The following ZNF536 variants were observed in gnomAD, a reference collection of about 807,000 sequenced individuals.
ZNF536 encodes the protein zinc finger protein 536.
Under a neutral mutation model 84.5 loss-of-function variants are expected in ZNF536, and 13 were observed. The ratio of observed to expected loss-of-function variants is 0.15; its 90% CI spans 0.10 to 0.24. The LOEUF (loss-of-function observed/expected upper bound fraction) is 0.24. Among genes scored for constraint, ZNF536 ranks in the 10% least tolerant of loss-of-function variants. The pLI is 1.00. For synonymous variants in ZNF536, 811 were observed against 742.5 expected, an observed-to-expected ratio of 1.09 and a Z score of -1.50; for missense variants, 1,536 against 1,747.5, an observed-to-expected ratio of 0.88 and a Z score of 2.16.
At chr19:30,302,104 A>G (rs1454690989) in intron 2 of ZNF536, among the ~76,000 whole-genome samples, 1 of 152,196 alleles carries the variant, frequency 6.6e-6, no homozygotes, top group East Asian at 1.9e-4. Flanking sequence ...TTTTCCCAGC[A>G]CTATTAAGAA....
intron 2 of ZNF536, among the ~76,000 whole-genome samples, chr19:30,506,800 A>T (rs910332050): frequency 1.3e-5 from 2 of 152,184 alleles, no homozygotes; most frequent in African/African-American, 4.8e-5. Context: ...GGCTTGGTTT[A>T]ACCTGATTAT....
At chr19:30,670,046 C>G (rs995458208) in intron 1 of ZNF536, among the ~76,000 whole-genome samples, 4 of 152,200 alleles carry the variant, frequency 2.6e-5, no homozygotes, top group Admixed American at 2.6e-4. Flanking sequence ...TCATCCTGCC[C>G]AGGTGGGAGA....
downstream of ZNF536, among the ~76,000 whole-genome samples, chr19:30,562,717 T>C (rs1360970180): frequency 6.6e-6 from 1 of 151,990 alleles, no homozygotes; most frequent in Non-Finnish European, 1.5e-5. Flanking sequence ...CCATCACACT[T>C]AGAGGGTGGG....
At chr19:30,501,270 C>T (rs2054939513) in intron 2 of ZNF536, among the ~76,000 whole-genome samples, 1 of 152,150 alleles carries the variant, frequency 6.6e-6, no homozygotes, top group African/African-American at 2.4e-5. Context: ...TCAAGCATGA[C>T]TTCTCATTCC....
chr19:30,348,814 C>CTTTTTTT (rs5827705), intron 2 of ZNF536, among the ~76,000 whole-genome samples: 5 of 132,666 alleles, frequency 3.8e-5, no homozygotes, highest in Non-Finnish European at 8.3e-5. Context: ...TTTTTCTTTT[C>CTTTTTTT]TTTTTTTTTT....
intron 1 of ZNF536, among the ~76,000 whole-genome samples, chr19:30,680,758 GTA>G (rs2050936944): frequency 6.6e-6 from 1 of 152,076 alleles, no homozygotes; most frequent in Non-Finnish European, 1.5e-5. Context: ...AGTCCTTTGG[GTA>G]TATACCCAGT....
intron 1 of ZNF536, among the ~76,000 whole-genome samples, chr19:30,684,833 G>T (rs181699100): frequency 6.6e-6 from 1 of 152,138 alleles, no homozygotes. Flanking sequence ...ACCTGATCCC[G>T]GGCTGAACAG....
At chr19:30,307,680 A>T (rs1476372667) in intron 2 of ZNF536, among the ~76,000 whole-genome samples, 18 of 152,076 alleles carry the variant, frequency 1.2e-4, no homozygotes, top group Admixed American at 6.6e-4. Context: ...TTTTCTATTA[A>T]AATACAGTCC....
intron 1 of ZNF536, among the ~76,000 whole-genome samples, chr19:30,678,620 A>G (rs891186372): frequency 2.6e-5 from 4 of 152,212 alleles, no homozygotes; most frequent in Non-Finnish European, 1.5e-5. Context: ...TGCAGATCCC[A>G]GGCAGATCCT....
chr19:30,334,283 G>A (rs1162244532), intron 2 of ZNF536, among the ~76,000 whole-genome samples: 2 of 152,182 alleles, frequency 1.3e-5, no homozygotes, highest in African/African-American at 4.8e-5. Context: ...GATTCTTGGG[G>A]ATGGATGGAG....
chr19:30,617,199 T>C (rs1417743240), intron 1 of ZNF536, among the ~76,000 whole-genome samples: 1 of 151,602 alleles, frequency 6.6e-6, no homozygotes, highest in African/African-American at 2.4e-5. Context: ...AGTTCTTTAG[T>C]GGTGATTTGT....
chr19:30,496,733 G>A (rs150501620), intron 2 of ZNF536, among the ~76,000 whole-genome samples: 36 of 152,192 alleles, frequency 2.4e-4, no homozygotes, highest in African/African-American at 8.2e-4. Flanking sequence ...GGATGCTCAA[G>A]GTCTCCAGGG....
intron 2 of ZNF536, among the ~76,000 whole-genome samples, chr19:30,329,529 C>T (rs954391708): frequency 1.3e-5 from 2 of 152,072 alleles, no homozygotes; most frequent in African/African-American, 4.8e-5. Context: ...TCAACCAATA[C>T]AATGCAACAG....
At chr19:30,506,611 C>G (rs1016638682) in intron 2 of ZNF536, among the ~76,000 whole-genome samples, 4 of 152,204 alleles carry the variant, frequency 2.6e-5, no homozygotes, top group Non-Finnish European at 5.9e-5. Flanking sequence ...GCAGATCTTG[C>G]ACAAAGCGGG....
chr19:30,239,511 G>A (rs528961276), intron 1 of ZNF536, among the ~76,000 whole-genome samples: 9 of 152,318 alleles, frequency 5.9e-5, no homozygotes, highest in East Asian at 3.9e-4. Flanking sequence ...CAGACATGGC[G>A]GTTGGAGAAT....
In ZNF536 at chr19:30,601,379, C is replaced by T. The variant is rs184471569; in HGVS notation, c.169+51865C>T. Reference sequence around the variant, plus strand: ...TTCTAGAAAGTCCGTGTTCGTGAGTCACGTGGGCAGCAGATTCATGGCAGG... The same window carrying T: ...TTCTAGAAAGTCCGTGTTCGTGAGTTACGTGGGCAGCAGATTCATGGCAGG... On this transcript the variant is annotated intron_variant, in intron 1 of 1. Coordinates refer to the ZNF536 transcript ENST00000592773. Among the ~76,000 whole-genome samples the T allele has an allele frequency of 6.6e-5, 10 of 152,280 alleles. No homozygotes were observed. In the East Asian group the frequency reaches 1.9e-3, roughly 29 times the overall value.
chr19:30,445,224 C>A lies in ZNF536; in HGVS notation c.1662C>A (p.Asn554Lys). 6.2e-7 allele frequency: 1 copy of A among 1,614,172 alleles called. No homozygotes were observed. The highest frequency in any genetic ancestry group is 8.5e-7 in the Non-Finnish European group (1 of 1,180,040). The change falls in exon 2 of 5, where the codon AAC becomes AAA. Residue 554 changes from asparagine (N) to lysine (K), a missense_variant. By Grantham distance (94) the Asn-to-Lys change is moderately conservative (BLOSUM62 0). Around this residue, in one of 8 missense-constraint regions of ZNF536, gnomAD observed 366 missense variants for 364.4 expected, o/e 1.00. Transcript: ENST00000355537. The surrounding 1 kb of genome is among the most constrained non-coding windows in gnomAD (Gnocchi z 4.5). ...GCAACCACGAAGACACTTTGGCAAA[C>A]GCCGGGGTTCTGTTTGATAAGGAGA... The part of the protein sequence containing the change: ...LQRNHEDTLA[N>K]AGVLFDKEKR...
intron 2 of ZNF536, among the ~76,000 whole-genome samples, chr19:30,526,723 C>CA (rs766704469): frequency 0.011 from 498 of 46,242 alleles, 4 homozygotes; most frequent in East Asian, 0.021. Context: ...GACTCCGTCT[C>CA]AAAAAAAAAA....
intron 1 of ZNF536, among the ~76,000 whole-genome samples, chr19:30,411,457 TA>T (rs1407223245): frequency 1.2e-4 from 19 of 152,190 alleles, no homozygotes; most frequent in Admixed American, 9.8e-4. Context: ...CCAAGGATTA[TA>T]AAAAAATTCT....
Sources: gnomAD v4.1 joint callset for allele counts (sites outside exome capture counted in the v4.1 genomes callset) on GRCh38, gnomAD v4.1.1 for gene constraint, gnomAD v4.1.1 regional missense constraint, Gnocchi (gnomAD v3.1) non-coding constraint, MANE v1.5 for transcripts, NCBI Gene and HGNC (gene_info 2026-07-23, HGNC 2026-07-21) for gene names.